Variants in CNTNAP2 observed in about 807,000 individuals in gnomAD.
CNTNAP2 encodes contactin-associated protein-like 2.
In CNTNAP2, 98 loss-of-function variants were observed where a neutral mutation model predicts 155.2. The observed-to-expected ratio is 0.63, with a 90% confidence interval of 0.54 to 0.75. CNTNAP2 has a LOEUF of 0.75. CNTNAP2 is among the 30% of genes least tolerant of loss of function. The probability of loss-of-function intolerance (pLI) is 0.00; values close to 1 mark genes in which losing one functional copy is unlikely to be tolerated. For missense variants in CNTNAP2, 1,727 were observed against 1,688.1 expected (o/e 1.02, Z -0.40); for synonymous variants, 651 against 631.2 (o/e 1.03, Z -0.47).
chr7:147,948,482 TAAATG>T (rs1469385973), intron 14 of CNTNAP2, among the ~76,000 whole-genome samples: 11 of 146,590 alleles, frequency 7.5e-5, no homozygotes, highest in East Asian at 2.0e-4. Flanking sequence ...AAAAATAAAA[TAAATG>T]AAATAAAATT....
intron 4 of CNTNAP2, among the ~76,000 whole-genome samples, chr7:147,060,593 G>C (rs1205548483): frequency 6.6e-6 from 1 of 152,040 alleles, no homozygotes; most frequent in Non-Finnish European, 1.5e-5. Context: ...GCCGGGCGCG[G>C]TGGCTCACGC....
chr7:148,353,885 T>C lies in CNTNAP2; in HGVS notation c.3476-29764T>C, dbSNP rs752822094. Among the ~76,000 whole-genome samples the C allele has an allele frequency of 1.1e-4, 17 of 152,346 alleles. 1 individual carries two copies. Among genetic ancestry groups the C allele is most frequent in the Admixed American group, 9.8e-4 (15 of 15,310 alleles). ...TAAACCAAAAATTCCAATTTTATAT[T>C]CCATTAATAAGTTTTTGGTGTCTGC... On this transcript the variant is annotated intron_variant, in intron 21 of 23. Coordinates refer to ENST00000361727, the MANE Select transcript of CNTNAP2 (RefSeq NM_014141.6).
intron 8 of CNTNAP2, among the ~76,000 whole-genome samples, chr7:147,265,881 C>T (rs1234656520): frequency 6.6e-6 from 1 of 152,080 alleles, no homozygotes; most frequent in Non-Finnish European, 1.5e-5. Flanking sequence ...CTGAAGTGAA[C>T]CCCCAGCAAA....
At chr7:147,195,205 A>C (rs1431617365) in intron 8 of CNTNAP2, among the ~76,000 whole-genome samples, 1 of 152,116 alleles carries the variant, frequency 6.6e-6, no homozygotes, top group Non-Finnish European at 1.5e-5. Context: ...TGTTTTTGGC[A>C]GGTTTGTCAA....
At chr7:148,207,318 A>T (rs1432411561) in intron 18 of CNTNAP2, among the ~76,000 whole-genome samples, 1 of 152,188 alleles carries the variant, frequency 6.6e-6, no homozygotes, top group African/African-American at 2.4e-5. Flanking sequence ...AAATGGGAAC[A>T]GCCCGCCTCT....
intron 10 of CNTNAP2, among the ~76,000 whole-genome samples, chr7:147,413,713 G>A (rs1423230073): frequency 6.6e-6 from 1 of 152,192 alleles, no homozygotes; most frequent in Non-Finnish European, 1.5e-5. Context: ...CTGGGATTCT[G>A]CTTTTCTAAC....
chr7:146,846,964 A>AAT (rs1424317738), intron 3 of CNTNAP2, among the ~76,000 whole-genome samples: 2 of 143,500 alleles, frequency 1.4e-5, no homozygotes, highest in African/African-American at 6.0e-5. Context: ...CAATTATACT[A>AAT]ATATTTTCAG....
At chr7:147,664,582 A>C (rs1034861717) in intron 13 of CNTNAP2, among the ~76,000 whole-genome samples, 1 of 152,178 alleles carries the variant, frequency 6.6e-6, no homozygotes, top group Non-Finnish European at 1.5e-5. Flanking sequence ...AGCCAAAACG[A>C]AGCATTCGGA....
chr7:147,714,091 A>G (rs546862700), intron 13 of CNTNAP2, among the ~76,000 whole-genome samples: 5 of 152,200 alleles, frequency 3.3e-5, no homozygotes, highest in African/African-American at 1.2e-4. Flanking sequence ...TATATATGGC[A>G]TCTTATTAAT....
chr7:147,911,351 G>A (rs577600696), intron 14 of CNTNAP2, among the ~76,000 whole-genome samples: 2 of 152,282 alleles, frequency 1.3e-5, no homozygotes, highest in African/African-American at 4.8e-5. Flanking sequence ...CAGCACAGAT[G>A]TTACGGTCAT....
intron 4 of CNTNAP2, among the ~76,000 whole-genome samples, chr7:147,060,010 C>T (rs185491000): frequency 4.6e-5 from 7 of 152,092 alleles, no homozygotes; most frequent in Admixed American, 2.6e-4. Context: ...TAAAACCTCA[C>T]GATACTGCTA....
At chr7:148,050,830 T>C (rs903324561) in intron 15 of CNTNAP2, among the ~76,000 whole-genome samples, 1 of 152,250 alleles carries the variant, frequency 6.6e-6, no homozygotes, top group Admixed American at 6.5e-5. Context: ...GATACACAAA[T>C]ACCATTGTGT....
intron 13 of CNTNAP2, among the ~76,000 whole-genome samples, chr7:147,759,194 G>A (rs1797261923): frequency 6.6e-6 from 1 of 152,118 alleles, no homozygotes; most frequent in African/African-American, 2.4e-5. Flanking sequence ...GTTACTGATA[G>A]ACATAAAATT....
chr7:146,625,210 A>C (rs1193015245), intron 1 of CNTNAP2, among the ~76,000 whole-genome samples: 2 of 152,006 alleles, frequency 1.3e-5, no homozygotes, highest in Non-Finnish European at 2.9e-5. Context: ...CTCAGGGAGC[A>C]GCACATTATT....
intron 15 of CNTNAP2, among the ~76,000 whole-genome samples, chr7:148,081,059 G>A (rs567476439): frequency 2.6e-5 from 4 of 152,306 alleles, no homozygotes; most frequent in Admixed American, 1.3e-4. Context: ...GCTAAGTACT[G>A]CAATGGAAAC....
chr7:148,182,668 G>A (rs1295153381), intron 18 of CNTNAP2, among the ~76,000 whole-genome samples: 6 of 152,298 alleles, frequency 3.9e-5, no homozygotes, highest in Admixed American at 2.6e-4. Flanking sequence ...GGTTACAAGA[G>A]TGTTTGATTT....
chr7:148,164,965 A>G (rs1265438347), intron 17 of CNTNAP2, among the ~76,000 whole-genome samples: 2 of 151,892 alleles, frequency 1.3e-5, no homozygotes, highest in Admixed American at 6.6e-5. Flanking sequence ...TGTACTTTCC[A>G]TGGAAACAGT....
chr7:147,497,275 G>T (rs1443649742), intron 11 of CNTNAP2: 1 of 152,136 alleles, frequency 6.6e-6, no homozygotes, highest in Non-Finnish European at 1.5e-5. Context: ...TCCCAAAGCT[G>T]CCATAGAAGC....
intron 3 of CNTNAP2, among the ~76,000 whole-genome samples, chr7:146,872,146 C>A: frequency 6.8e-6 from 1 of 147,792 alleles, no homozygotes; most frequent in African/African-American, 2.5e-5. Context: ...CCCTTTTGGG[C>A]CAGTTAAATT....
Sources: gnomAD v4.1 joint callset for allele counts (sites outside exome capture counted in the v4.1 genomes callset) on GRCh38, gnomAD v4.1.1 for gene constraint, MANE v1.5 for transcripts, NCBI Gene and HGNC (gene_info 2026-07-23, HGNC 2026-07-21) for gene names.